Variants in COL6A5 observed in about 807,000 individuals in gnomAD.
COL6A5 encodes the protein collagen alpha-5(VI) chain.
A neutral mutation model predicts 65.6 loss-of-function variants in COL6A5; 48 were observed. The observed-to-expected ratio is 0.73, with a 90% confidence interval of 0.58 to 0.93. The LOEUF (loss-of-function observed/expected upper bound fraction) is 0.93. Ranked by LOEUF, COL6A5 falls within the 40% of genes least tolerant of loss-of-function variation. The pLI is 0.00. For missense variants in COL6A5, 914 were observed against 928.3 expected (o/e 0.98, Z 0.20); for synonymous variants, 291 against 322.8 (o/e 0.90, Z 1.05).
At chr3:130,430,810 C>A (rs1313821932), upstream of COL6A5, among the ~76,000 whole-genome samples, 1 of 152,162 alleles carries the variant, frequency 6.6e-6, no homozygotes, top group Non-Finnish European at 1.5e-5. Context: ...TAAGAATAAT[C>A]TTTACTCTGT....
At chr3:130,347,757 A>G (rs1352569272) in intron 1 of COL6A5, among the ~76,000 whole-genome samples, 1 of 152,198 alleles carries the variant, frequency 6.6e-6, no homozygotes, top group Non-Finnish European at 1.5e-5. Flanking sequence ...AGTGGAGGGC[A>G]CAAATTCACT....
At chr3:130,483,556 G>A (rs1398458152) in intron 7 of COL6A5, among the ~76,000 whole-genome samples, 3 of 152,170 alleles carry the variant, frequency 2.0e-5, no homozygotes, top group Non-Finnish European at 4.4e-5. Flanking sequence ...AGGTCAAGTA[G>A]CTAACAGCAG....
At position 130,413,931 on chromosome 3, in the gene COL6A5, T is replaced by C. The variant is rs149525876; in HGVS notation, c.4699-138T>C. On this transcript the variant is annotated intron_variant and NMD_transcript_variant, in intron 21 of 41. Coordinates refer to the COL6A5 transcript ENST00000312481. ...TCATTCCTTAGACAGTCTAGAACTG[T>C]AAAATCCTAGGCCAAGTAGAGGGTG... 224 of 679,244 alleles carry C rather than the reference T, an allele frequency of 3.3e-4. No homozygotes were observed. The African/African-American group carries it at 3.7e-3, about 11-fold the overall frequency. 42.1% of individuals were successfully genotyped at this position (679,244 alleles called of 1,614,324 possible). A position where few individuals can be genotyped will look rare whatever the true frequency, so the allele number is the denominator to read the frequency against.
chr3:130,484,165 C>T (rs1445514630), exon 8 of COL6A5: 2 of 1,030,668 alleles, frequency 1.9e-6, no homozygotes, highest in Non-Finnish European at 2.7e-6. Flanking sequence ...GGACTTTTCA[C>T]AAAAACAATT....
Position 130,410,401 on chromosome 3 carries a change from G to A in COL6A5, c.4609-70G>A, listed in dbSNP as rs1288506822. On this transcript the variant is annotated intron_variant and NMD_transcript_variant, in intron 19 of 41. Transcript: ENST00000312481. ...CCATTTTAATAGTGCTTGAGGTTTT[G>A]ATGCTGATGCCTTTGTGATTTATTC... The A allele has an allele frequency of 9.8e-6, 11 of 1,127,472 alleles. 1 individual carries two copies. The highest frequency in any genetic ancestry group is 1.4e-5 in the Non-Finnish European group (11 of 764,168). 69.8% of individuals were successfully genotyped at this position (1,127,472 alleles called of 1,614,324 possible). A position where few individuals can be genotyped will look rare whatever the true frequency, so the allele number is the denominator to read the frequency against.
intron 1 of COL6A5, among the ~76,000 whole-genome samples, chr3:130,434,768 ATT>A (rs1218324693): frequency 2.6e-5 from 4 of 152,014 alleles, no homozygotes; most frequent in Non-Finnish European, 4.4e-5. Flanking sequence ...TCCTTTGCTC[ATT>A]TTTTGATGGG....
intron 5 of COL6A5, 29 bp downstream of exon 5, chr3:130,385,393 C>T: frequency 2.0e-6 from 3 of 1,533,476 alleles, no homozygotes; most frequent in Non-Finnish European, 2.6e-6. Flanking sequence ...GCTTTATTCT[C>T]CACATTTCAT....
At position 130,431,783 on chromosome 3, in the gene COL6A5, A is replaced by G. The variant is rs1937823909; in HGVS notation, c.323A>G (p.Lys108Arg). 14 of 1,551,602 alleles carry G rather than the reference A, an allele frequency of 9.0e-6. No homozygotes were observed. The highest frequency in any genetic ancestry group is 1.2e-5 in the Non-Finnish European group (14 of 1,146,938). ...AGGTTTGTGACCCGCAACGTGTTCA[A>G]GCGGACGTATGCAGGAGCCAACGTG... Residue 108 changes from lysine (K) to arginine (R), a missense_variant, in exon 1 of 8, where the codon AAG (lysine) becomes AGG (arginine). Transcript: ENST00000512836.
chr3:130,391,183 T>C, exon 7 of COL6A5: 1 of 1,547,228 alleles, frequency 6.5e-7, no homozygotes, highest in Non-Finnish European at 8.7e-7. Flanking sequence ...TTTCAGATTG[T>C]AAAAGGATTA....
At chr3:130,437,683 G>A (rs984209257) in intron 1 of COL6A5, among the ~76,000 whole-genome samples, 2 of 151,922 alleles carry the variant, frequency 1.3e-5, no homozygotes, top group Non-Finnish European at 2.9e-5. Context: ...TCCCAGACAC[G>A]CTGTCTTCCC....
intron 6 of COL6A5, 48 bp from the exon 39 acceptor site, chr3:130,470,823 T>C: frequency 7.3e-7 from 1 of 1,364,824 alleles, no homozygotes; most frequent in African/African-American, 1.4e-5. Context: ...GGTGAGATAA[T>C]AATGTAGGTG....
intron 4 of COL6A5, among the ~76,000 whole-genome samples, chr3:130,451,460 A>G (rs1206922276): frequency 6.6e-6 from 1 of 151,986 alleles, no homozygotes; most frequent in Non-Finnish European, 1.5e-5. Flanking sequence ...GGCTGAGTGG[A>G]TGGTAAAGTG....
chr3:130,416,824 ATAT>A lies in COL6A5; in HGVS notation c.4887+10_4887+12del. The A allele has an allele frequency of 3.4e-6, 5 of 1,457,136 alleles. No individual in the cohort carries two copies. The highest frequency in any genetic ancestry group is 4.6e-6 in the Non-Finnish European group (5 of 1,078,328). 90.3% of individuals were successfully genotyped at this position (1,457,136 alleles called of 1,614,324 possible). On this transcript the variant is annotated splice_donor_region_variant and intron_variant and NMD_transcript_variant, in intron 24 of 41. Transcript: ENST00000312481. Reference sequence around the variant, plus strand: ...CCTGGACTTTTGGGGAAAAAAGTAGATATTATTTCTGTTTTTTAATTCTTTTAA... The same window carrying A: ...CCTGGACTTTTGGGGAAAAAAGTAGATATTTCTGTTTTTTAATTCTTTTAA...
chr3:130,457,125 T>G (rs543154468), intron 5 of COL6A5, among the ~76,000 whole-genome samples: 1 of 152,232 alleles, frequency 6.6e-6, no homozygotes, highest in East Asian at 1.9e-4. Context: ...TTGTACTTTT[T>G]AATGGATGTT....
chr3:130,438,405 G>GTGAATGAA (rs955738532), intron 1 of COL6A5, among the ~76,000 whole-genome samples: 1 of 147,576 alleles, frequency 6.8e-6, no homozygotes, highest in Non-Finnish European at 1.5e-5. Flanking sequence ...GAGTGAATGA[G>GTGAATGAA]TGAATGAATG....
At chr3:130,461,050 A>G (rs549315658) in intron 5 of COL6A5, among the ~76,000 whole-genome samples, 15 of 152,174 alleles carry the variant, frequency 9.9e-5, no homozygotes, top group Admixed American at 4.6e-4. Context: ...TTAACTATTC[A>G]GACATTCTTT....
chr3:130,424,755 G>A (rs80115788), intron 29 of COL6A5, among the ~76,000 whole-genome samples: 5,528 of 152,128 alleles, frequency 0.036, 205 homozygotes, highest in East Asian at 0.16. Context: ...TACTTTTTTG[G>A]CATTAAGGAA....
chr3:130,359,724 G>A (rs1027131520), intron 1 of COL6A5, among the ~76,000 whole-genome samples: 2 of 152,036 alleles, frequency 1.3e-5, no homozygotes, highest in Non-Finnish European at 2.9e-5. Flanking sequence ...AGTCATGCTT[G>A]TTTGTTTACA....
At chr3:130,398,941 A>T (rs903940433) in intron 10 of COL6A5, among the ~76,000 whole-genome samples, 2 of 152,214 alleles carry the variant, frequency 1.3e-5, no homozygotes, top group African/African-American at 4.8e-5. Context: ...AGTTCTAGGG[A>T]ACCTGACCGA....
Sources: gnomAD v4.1 joint callset for allele counts (sites outside exome capture counted in the v4.1 genomes callset) on GRCh38, gnomAD v4.1.1 for gene constraint, MANE v1.5 for transcripts, NCBI Gene and HGNC (gene_info 2026-07-23, HGNC 2026-07-21) for gene names.